The following DLGAP1 variants were observed in gnomAD, a reference collection of about 807,000 sequenced individuals.
The protein encoded by DLGAP1 is disks large-associated protein 1.
A neutral mutation model predicts 90.8 loss-of-function variants in DLGAP1; 11 were observed. The ratio of observed to expected loss-of-function variants is 0.12; its 90% CI spans 0.08 to 0.20. DLGAP1 has a LOEUF of 0.20. DLGAP1 is among the 10% of genes least tolerant of loss of function. The pLI is 1.00. For missense variants in DLGAP1, 1,050 were observed against 1,333.8 expected (o/e 0.79, Z 3.31); for synonymous variants, 558 against 540.7 (o/e 1.03, Z -0.44).
intron 3 of DLGAP1, among the ~76,000 whole-genome samples, chr18:3,977,130 A>T (rs1212895487): frequency 1.3e-5 from 2 of 152,150 alleles, no homozygotes; most frequent in South Asian, 2.1e-4. Context: ...GCTAGAGTGC[A>T]GTGGTGCCAT....
intron 3 of DLGAP1, among the ~76,000 whole-genome samples, chr18:3,988,261 A>G (rs2073883285): frequency 6.6e-6 from 1 of 152,100 alleles, no homozygotes; most frequent in Admixed American, 6.6e-5. Flanking sequence ...TCAAACATAC[A>G]TTTCAGGACA....
At chr18:4,310,144 A>G (rs1218852848) in intron 1 of DLGAP1, among the ~76,000 whole-genome samples, 3 of 152,204 alleles carry the variant, frequency 2.0e-5, no homozygotes, top group African/African-American at 4.8e-5. Context: ...TACTTCTGTG[A>G]AGGACTTATA....
intron 2 of DLGAP1, among the ~76,000 whole-genome samples, chr18:4,005,492 ATAT>A (rs2074281468): frequency 2.0e-5 from 3 of 152,204 alleles, no homozygotes; most frequent in Non-Finnish European, 4.4e-5. Flanking sequence ...TTTTTAAAAT[ATAT>A]TTACCCAGTT....
intron 2 of DLGAP1, among the ~76,000 whole-genome samples, chr18:4,100,770 T>C (rs998272566): frequency 7.2e-5 from 11 of 152,258 alleles, no homozygotes; most frequent in Non-Finnish European, 1.3e-4. Flanking sequence ...CCATCACCAC[T>C]TGCTGCTTCA....
At chr18:4,150,493 C>T (rs983493959) in intron 2 of DLGAP1, among the ~76,000 whole-genome samples, 7 of 152,218 alleles carry the variant, frequency 4.6e-5, no homozygotes, top group African/African-American at 7.2e-5. Flanking sequence ...CAGGTTCAAG[C>T]GATTCTCCTG....
At chr18:4,225,523 A>G (rs755618091) in intron 1 of DLGAP1, among the ~76,000 whole-genome samples, 3 of 152,156 alleles carry the variant, frequency 2.0e-5, no homozygotes, top group African/African-American at 4.8e-5. Context: ...AATTTAAAAT[A>G]GCTTTTTTGA....
intron 1 of DLGAP1, among the ~76,000 whole-genome samples, chr18:4,218,979 A>G (rs1276780484): frequency 2.1e-5 from 3 of 145,204 alleles, no homozygotes; most frequent in Non-Finnish European, 4.5e-5. Flanking sequence ...CATTTCTTTT[A>G]GATATATACC....
At chr18:3,600,899 T>TAGATACATAGATAG (rs1568279154) in intron 7 of DLGAP1, among the ~76,000 whole-genome samples, 1 of 131,138 alleles carries the variant, frequency 7.6e-6, no homozygotes, top group African/African-American at 2.8e-5. Flanking sequence ...TATAGATATA[T>TAGATACATAGATAG]ATAGATATAT....
intron 10 of DLGAP1, among the ~76,000 whole-genome samples, chr18:3,509,904 G>A (rs369539715): frequency 1.3e-3 from 202 of 152,296 alleles, no homozygotes; most frequent in African/African-American, 4.7e-3. Flanking sequence ...GTCACTCAGT[G>A]CATTTATATT....
intron 3 of DLGAP1, among the ~76,000 whole-genome samples, chr18:3,957,317 C>T (rs182204999): frequency 4.6e-5 from 7 of 152,274 alleles, no homozygotes; most frequent in Non-Finnish European, 7.4e-5. Flanking sequence ...AAAGCCCTCC[C>T]CTAGAGCCTG....
chr18:3,535,433 CGTG>C (rs1568150287), intron 9 of DLGAP1, among the ~76,000 whole-genome samples: 1 of 152,118 alleles, frequency 6.6e-6, no homozygotes, highest in African/African-American at 2.4e-5. Flanking sequence ...AAGGGCCGGG[CGTG>C]GTGGCTCACG....
At chr18:3,579,095 T>C (rs2055333970) in intron 8 of DLGAP1, among the ~76,000 whole-genome samples, 1 of 152,150 alleles carries the variant, frequency 6.6e-6, no homozygotes, top group African/African-American at 2.4e-5. Context: ...TAGCTTCCTG[T>C]GGAGGTTATA....
At chr18:4,007,714 C>T (rs1158575057) in intron 2 of DLGAP1, among the ~76,000 whole-genome samples, 1 of 152,102 alleles carries the variant, frequency 6.6e-6, no homozygotes, top group Non-Finnish European at 1.5e-5. Context: ...CAGAATAAAA[C>T]CCTAAAGTTT....
At chr18:4,177,086 T>C (rs1598551960) in intron 1 of DLGAP1, among the ~76,000 whole-genome samples, 1 of 152,070 alleles carries the variant, frequency 6.6e-6, no homozygotes, top group African/African-American at 2.4e-5. Flanking sequence ...TAGAGGTGGG[T>C]CGAGCTCCTC....
intron 4 of DLGAP1, among the ~76,000 whole-genome samples, chr18:3,818,504 C>T (rs114456013): frequency 0.047 from 7,078 of 151,886 alleles, 557 homozygotes; most frequent in African/African-American, 0.16. Flanking sequence ...GAATTATAGG[C>T]CTGTGCCACC....
At chr18:3,650,271 T>C (rs974345130) in intron 7 of DLGAP1, among the ~76,000 whole-genome samples, 3 of 152,200 alleles carry the variant, frequency 2.0e-5, no homozygotes, top group African/African-American at 7.2e-5. Context: ...CTTGAACTCC[T>C]GACCTCAAGT....
At chr18:3,716,504 C>G (rs1429051451) in intron 7 of DLGAP1, among the ~76,000 whole-genome samples, 1 of 151,976 alleles carries the variant, frequency 6.6e-6, no homozygotes, top group Non-Finnish European at 1.5e-5. Flanking sequence ...TCACTGCACT[C>G]CAGCCTGGGT....
chr18:3,865,658 A>G (rs12969706), intron 4 of DLGAP1, among the ~76,000 whole-genome samples: 18,857 of 152,244 alleles, frequency 0.12, 1,341 homozygotes, highest in Admixed American at 0.19. Flanking sequence ...GGTGGAAAGC[A>G]AACAGATTGT....
chr18:4,089,687 A>C (rs112832577), intron 2 of DLGAP1, among the ~76,000 whole-genome samples: 7,137 of 152,288 alleles, frequency 0.047, 549 homozygotes, highest in African/African-American at 0.16. Flanking sequence ...GCAATGGAGA[A>C]AGGATTCTTT....
Sources: allele counts gnomAD v4.1 joint callset (sites outside exome capture counted in the v4.1 genomes callset), GRCh38; gene constraint gnomAD v4.1.1; transcripts MANE v1.5; gene names NCBI Gene and HGNC (gene_info 2026-07-23, HGNC 2026-07-21).